Variants in SLC12A5 observed in about 807,000 individuals in gnomAD.
SLC12A5 encodes solute carrier family 12 member 5.
Under a neutral mutation model 124.0 loss-of-function variants are expected in SLC12A5, and 18 were observed. That is an observed-to-expected ratio of 0.15 (90% CI 0.10 to 0.22). The LOEUF (loss-of-function observed/expected upper bound fraction) is 0.22, where lower values mean the gene tolerates loss of function less well. Ranked by LOEUF, SLC12A5 falls within the 10% of genes least tolerant of loss-of-function variation. SLC12A5 has a pLI of 1.00. For synonymous variants in SLC12A5, 589 were observed against 568.0 expected, an observed-to-expected ratio of 1.04 and a Z score of -0.53; for missense variants, 867 against 1,478.7, an observed-to-expected ratio of 0.59 and a Z score of 6.78.
At chr20:46,022,214 A>C in intron 1 of SLC12A5, 1 of 247,130 alleles carries the variant, frequency 4.0e-6, no homozygotes, top group Non-Finnish European at 7.9e-6. Context: ...GCCGTAGGGC[A>C]CTAAAGGGGC....
At position 46,057,219 on chromosome 20, in the gene SLC12A5, G is replaced by T. The variant is rs1420624470; in HGVS notation, c.3175G>T (p.Val1059Phe). The change falls in exon 25 of 26, where the codon GTC becomes TTC. Residue 1059 changes from valine to phenylalanine, a missense_variant. Around this residue, in one of 9 missense-constraint regions of SLC12A5, gnomAD observed 180 missense variants for 243.6 expected, o/e 0.74. Coordinates refer to ENST00000243964, the MANE Select transcript of SLC12A5 (RefSeq NM_020708.5). This position sits in a 1 kb window ranked among gnomAD's most constrained non-coding sequence, Gnocchi z 7.1. ...RMHTAVRLNE[V>F]IVKKSRDAKL... is the part of the protein sequence containing the mutation. ...GCACACGGCCGTGCGGCTGAACGAGGTCATCGTGAAGAAATCCCGGGACGC... is the reference window on the plus strand; with the variant it reads ...GCACACGGCCGTGCGGCTGAACGAGTTCATCGTGAAGAAATCCCGGGACGC... 6.2e-7 allele frequency: 1 copy of T among 1,614,220 alleles called. No individual in the cohort carries two copies. The highest frequency in any genetic ancestry group is 1.7e-5 in the Admixed American group (1 of 60,024).
At chr20:46,028,130 T>C (rs2084414585), upstream of SLC12A5, among the ~76,000 whole-genome samples, 2 of 152,148 alleles carry the variant, frequency 1.3e-5, no homozygotes, top group Admixed American at 1.3e-4. Flanking sequence ...ATCAAGCTTC[T>C]GGGGGATTGG....
chr20:46,058,120 A>C lies in SLC12A5; in HGVS notation c.*515A>C. ...GGGGCGCGGGCGGCCGAGCCTATAC[A>C]TAGTGTACAGGAGACATCGCGTGTA... On this transcript the variant is annotated 3_prime_UTR_variant, in exon 26 of 26. Transcript: ENST00000243964. This position sits in a 1 kb window ranked among gnomAD's most constrained non-coding sequence, Gnocchi z 5.8. The C allele has an allele frequency of 5.3e-6, 1 of 186,972 alleles. No individual in the cohort carries two copies. The highest frequency in any genetic ancestry group is 2.0e-3 in the Middle Eastern group (1 of 510). 11.6% of individuals were successfully genotyped at this position (186,972 alleles called of 1,614,324 possible).
rs1206199358 is a variant in SLC12A5 at position 46,056,516 on chromosome 20, C to T, written c.3062C>T (p.Pro1021Leu). The T allele has an allele frequency of 1.2e-6, 2 of 1,614,024 alleles. No homozygotes were observed. The highest frequency in any genetic ancestry group is 1.3e-5 in the African/African-American group (1 of 74,920). ...DKSVAEKNKGPSPVSSEGIKD... is the reference protein window; with the variant it reads ...DKSVAEKNKGLSPVSSEGIKD... ...TCGGTGGCAGAGAAGAATAAGGGCCCCAGTCCTGTCTCCTCTGAGGGCATC... is the reference window on the plus strand; with the variant it reads ...TCGGTGGCAGAGAAGAATAAGGGCCTCAGTCCTGTCTCCTCTGAGGGCATC... The change falls in exon 23 of 26, where the codon CCC (proline) becomes CTC (leucine). Residue 1021 changes from proline to leucine, a missense_variant. Transcript: ENST00000243964. This position sits in a 1 kb window ranked among gnomAD's most constrained non-coding sequence, Gnocchi z 4.3.
chr20:46,056,123 C>T lies in SLC12A5; in HGVS notation c.2788-27C>T. ...GCATGGGTGGTGACTCCCAGCAGAG[C>T]TGGCACCAACCTATGTCACTCCCTA... On this transcript the variant is annotated intron_variant, in intron 21 of 25. Transcript: ENST00000243964. This position sits in a 1 kb window ranked among gnomAD's most constrained non-coding sequence, Gnocchi z 4.3. 6.2e-7 allele frequency: 1 copy of T among 1,613,028 alleles called. No individual in the cohort carries two copies. The highest frequency in any genetic ancestry group is 8.5e-7 in the Non-Finnish European group (1 of 1,179,472).
chr20:46,034,565 T>C (rs1450997292), intron 1 of SLC12A5, among the ~76,000 whole-genome samples: 3 of 152,170 alleles, frequency 2.0e-5, no homozygotes, highest in East Asian at 1.9e-4. Flanking sequence ...TGGCACATCC[T>C]TGGGGCCTTG....
rs1454304967 is a variant in SLC12A5 at position 46,021,869 on chromosome 20, CG to C, written c.36del (p.Glu13LysfsTer65). ...TCGGTCGCAGACCCCCGCCACCTCCCGGGGGAAGACGTCAAAGGTAGAGGCC... is the reference window on the plus strand; with the variant it reads ...TCGGTCGCAGACCCCCGCCACCTCCCGGGGAAGACGTCAAAGGTAGAGGCC... On this transcript the variant is annotated frameshift_variant, in exon 1 of 3. Coordinates refer to the SLC12A5 transcript ENST00000413737. LOFTEE classifies it high-confidence loss of function. The C allele has an allele frequency of 1.3e-6, 2 of 1,529,506 alleles. No homozygotes were observed. Among genetic ancestry groups the C allele is most frequent in the Admixed American group, 2.0e-5 (1 of 50,692 alleles). 94.7% of individuals were successfully genotyped at this position (1,529,506 alleles called of 1,614,324 possible). A position where few individuals can be genotyped will look rare whatever the true frequency, so the allele number is the denominator to read the frequency against.
At chr20:46,033,152 G>C (rs989847020) in intron 1 of SLC12A5, among the ~76,000 whole-genome samples, 2 of 152,200 alleles carry the variant, frequency 1.3e-5, no homozygotes, top group African/African-American at 4.8e-5. Flanking sequence ...TTATAACAGA[G>C]ACAGGCCATG....
In SLC12A5 at chr20:46,056,986, C is replaced by T. The variant is rs1600607569; in HGVS notation, c.3125+75C>T. ...CCTACCCTCCTCACTCTGTTGTGAA[C>T]CCCTAATTGGTGCCACGACCTCTGG... On this transcript the variant is annotated intron_variant, in intron 24 of 25. Transcript: ENST00000243964. The surrounding 1 kb of genome is among the most constrained non-coding windows in gnomAD (Gnocchi z 4.3). The T allele has an allele frequency of 6.2e-7, 1 of 1,606,586 alleles. No individual in the cohort carries two copies. Among genetic ancestry groups the T allele is most frequent in the Non-Finnish European group, 8.5e-7 (1 of 1,173,384 alleles).
At chr20:46,023,216 C>G (rs1347146324) in intron 2 of SLC12A5, 1 of 397,866 alleles carries the variant, frequency 2.5e-6, no homozygotes, top group Non-Finnish European at 4.4e-6. Context: ...CGAACGCCTC[C>G]TGGTTGTGGC....
chr20:46,055,368 T>C (rs942628291), intron 21 of SLC12A5, among the ~76,000 whole-genome samples: 1 of 152,128 alleles, frequency 6.6e-6, no homozygotes, highest in Admixed American at 6.5e-5. Context: ...TAAGGGCTCA[T>C]GTAGAAACCC....
intron 6 of SLC12A5, among the ~76,000 whole-genome samples, chr20:46,037,683 C>T (rs989007963): frequency 6.6e-6 from 1 of 152,182 alleles, no homozygotes; most frequent in Admixed American, 6.5e-5. Flanking sequence ...TATTATGATG[C>T]CCATTTTACA....
rs569957635 is a variant in SLC12A5 at position 46,040,790 on chromosome 20, G to A, written c.854+176G>A. On this transcript the variant is annotated intron_variant, in intron 7 of 25. Coordinates refer to ENST00000243964, the MANE Select transcript of SLC12A5 (RefSeq NM_020708.5). ...AGTTTGGGGGCAATCTCTTCAGAGT[G>A]AGGTAACTTTTCTGGAGGAGGGAAC... 578 of 1,016,356 alleles carry A rather than the reference G, an allele frequency of 5.7e-4. 3 individuals carry two copies. The African/African-American group carries it at 8.8e-3, about 15-fold the overall frequency. The allele number at this position is 1,016,356 out of a possible 1,614,324, so 63.0% of individuals were successfully genotyped here. A position where few individuals can be genotyped will look rare whatever the true frequency, so the allele number is the denominator to read the frequency against.
At chr20:46,026,510 G>A (rs2084400214), upstream of SLC12A5, among the ~76,000 whole-genome samples, 1 of 152,224 alleles carries the variant, frequency 6.6e-6, no homozygotes, top group African/African-American at 2.4e-5. Flanking sequence ...GGCCAGAATA[G>A]GGCACAGTCT....
chr20:46,037,760 G>T (rs1044643908), intron 6 of SLC12A5, among the ~76,000 whole-genome samples: 1 of 152,218 alleles, frequency 6.6e-6, no homozygotes, highest in African/African-American at 2.4e-5. Flanking sequence ...GGCGGCAGAG[G>T]TGGGTTGATG....
intron 17 of SLC12A5, among the ~76,000 whole-genome samples, chr20:46,050,086 C>G (rs1481439947): frequency 6.6e-6 from 1 of 152,204 alleles, no homozygotes; most frequent in Admixed American, 6.5e-5. Context: ...AATTAGGACT[C>G]CTTGAACTCC....
chr20:46,049,512 G>A (rs73112827), intron 16 of SLC12A5, 110 bp from the exon 17 acceptor site: 60,143 of 1,371,438 alleles, frequency 0.044, 1,614 homozygotes, highest in Non-Finnish European at 0.049. Flanking sequence ...TAGGTGGATG[G>A]GACAGATGGT....
upstream of SLC12A5, among the ~76,000 whole-genome samples, chr20:46,026,988 A>G (rs1475738481): frequency 2.0e-5 from 3 of 152,232 alleles, no homozygotes; most frequent in African/African-American, 7.2e-5. Context: ...TGCCAGACCT[A>G]GGATTACTGA....
At chr20:46,031,191 GAA>G (rs1422392867) in intron 1 of SLC12A5, among the ~76,000 whole-genome samples, 1 of 152,220 alleles carries the variant, frequency 6.6e-6, no homozygotes, top group East Asian at 1.9e-4. Context: ...AGGAGGCCTA[GAA>G]AAGAGGCATC....
Sources: allele counts gnomAD v4.1 joint callset (sites outside exome capture counted in the v4.1 genomes callset), GRCh38; gene constraint gnomAD v4.1.1; regional missense constraint gnomAD v4.1.1; non-coding constraint Gnocchi (gnomAD v3.1); transcripts MANE v1.5; gene names NCBI Gene and HGNC (gene_info 2026-07-23, HGNC 2026-07-21).